UGT8: variants seen among roughly 807,000 people sequenced by gnomAD.
UGT8 encodes the protein 2-hydroxyacylsphingosine 1-beta-galactosyltransferase.
In UGT8, 12 loss-of-function variants were observed where a neutral mutation model predicts 40.5. The observed-to-expected ratio is 0.30, with a 90% CI of 0.19 to 0.48. The LOEUF (loss-of-function observed/expected upper bound fraction) is 0.48, where lower values mean the gene tolerates loss of function less well. Among genes scored for constraint, UGT8 ranks in the 20% least tolerant of loss-of-function variants. The pLI is 0.99. For missense variants in UGT8, 513 were observed against 648.7 expected, an observed-to-expected ratio of 0.79 and a Z score of 2.27; for synonymous variants, 224 against 240.4, an observed-to-expected ratio of 0.93 and a Z score of 0.63.
intron 5 of UGT8, among the ~76,000 whole-genome samples, chr4:114,672,688 A>C (rs1476602865): frequency 1.3e-5 from 2 of 151,980 alleles, no homozygotes; most frequent in Non-Finnish European, 2.9e-5. Context: ...GAGGGGAGGG[A>C]ACTTAGCGGA....
chr4:114,598,582 G>A (rs1303457639), upstream of UGT8: 3 of 152,248 alleles, frequency 2.0e-5, no homozygotes, highest in Admixed American at 2.0e-4. Context: ...GGCGCTCGCA[G>A]TCAGAGGCGA....
At chr4:114,648,998 T>C (rs1733741270) in intron 2 of UGT8, among the ~76,000 whole-genome samples, 3 of 152,152 alleles carry the variant, frequency 2.0e-5, no homozygotes, top group South Asian at 2.1e-4. Flanking sequence ...GATTACCTCC[T>C]AGCAGTTAAT....
At chr4:114,642,690 A>G (rs565482735) in intron 2 of UGT8, among the ~76,000 whole-genome samples, 2 of 152,248 alleles carry the variant, frequency 1.3e-5, no homozygotes, top group African/African-American at 4.8e-5. Context: ...TTTGTAAGCA[A>G]TAGGATTTGT....
intron 2 of UGT8, 123 bp from the exon 3 acceptor site, chr4:114,663,872 C>T (rs1432262332): frequency 4.3e-5 from 63 of 1,463,388 alleles, no homozygotes; most frequent in Non-Finnish European, 5.2e-5. Context: ...AATATCATAT[C>T]CTTTACTTTC....
chr4:114,601,094 T>C (rs1730416632), intron 1 of UGT8, among the ~76,000 whole-genome samples: 1 of 152,238 alleles, frequency 6.6e-6, no homozygotes, highest in Non-Finnish European at 1.5e-5. Context: ...AGGTTCAAAC[T>C]CTTTTTAAAT....
At chr4:114,651,397 A>T (rs748696848) in intron 2 of UGT8, among the ~76,000 whole-genome samples, 1 of 152,184 alleles carries the variant, frequency 6.6e-6, no homozygotes, top group South Asian at 2.1e-4. Context: ...TTTTTTCTTT[A>T]TACATGTTTC....
intron 2 of UGT8, among the ~76,000 whole-genome samples, chr4:114,630,995 C>G (rs1030193561): frequency 1.3e-5 from 2 of 152,104 alleles, no homozygotes; most frequent in African/African-American, 2.4e-5. Flanking sequence ...TCTAGCCCAG[C>G]ATTGTACTGA....
intron 4 of UGT8, among the ~76,000 whole-genome samples, chr4:114,667,220 A>G (rs919923522): frequency 2.0e-5 from 3 of 152,284 alleles, no homozygotes; most frequent in Admixed American, 2.0e-4. Flanking sequence ...GTTCCCATAC[A>G]TATTAATTTT....
At chr4:114,668,006 A>G (rs1734998392) in intron 4 of UGT8, 79 bp from the exon 5 acceptor site, 7 of 1,549,340 alleles carry the variant, frequency 4.5e-6, no homozygotes, top group Non-Finnish European at 6.1e-6. Context: ...TGTAGTGCCG[A>G]TTTTTAATGA....
chr4:114,603,480 G>T (rs1405155121), intron 1 of UGT8, among the ~76,000 whole-genome samples: 2 of 152,108 alleles, frequency 1.3e-5, no homozygotes, highest in Non-Finnish European at 2.9e-5. Context: ...TTAAGAGTTG[G>T]GTAGAGAAAT....
intron 2 of UGT8, among the ~76,000 whole-genome samples, chr4:114,640,741 A>G (rs1263002445): frequency 2.6e-5 from 4 of 152,136 alleles, no homozygotes; most frequent in Admixed American, 2.6e-4. Context: ...GCAAAGAGAG[A>G]GATTGTGCAG....
At chr4:114,625,399 T>A (rs2126100511) in intron 2 of UGT8, among the ~76,000 whole-genome samples, 1 of 149,952 alleles carries the variant, frequency 6.7e-6, no homozygotes, top group East Asian at 2.0e-4. Context: ...TAGTCCCAGC[T>A]ACTCAGGAGG....
At position 114,623,548 on chromosome 4, in the gene UGT8, A is replaced by G. The variant is rs765714306; in HGVS notation, c.668A>G (p.Asn223Ser). Residue 223 changes from asparagine (N) to serine (S), a missense_variant, in exon 2 of 6, where the codon AAC becomes AGC. Physicochemically the swap from Asn to Ser is conservative, Grantham distance 46 (BLOSUM62 1). Coordinates refer to ENST00000310836, the MANE Select transcript of UGT8 (RefSeq NM_001128174.3). The stretch of plus-strand genomic sequence containing the variant: ...TATGAAAGGATAATGCAGAAGTACA[A>G]CCTGCTGCCAGAGAAGTCCATGTAT... ...PKYERIMQKY[N>S]LLPEKSMYDL... 18 of 1,613,986 alleles carry G rather than the reference A, an allele frequency of 1.1e-5. No homozygotes were observed. The highest frequency in any genetic ancestry group is 1.1e-4 in the South Asian group (10 of 91,076).
chr4:114,611,922 C>G (rs945599759), intron 1 of UGT8, among the ~76,000 whole-genome samples: 1 of 151,972 alleles, frequency 6.6e-6, no homozygotes, highest in Non-Finnish European at 1.5e-5. Flanking sequence ...AAATCAGAAA[C>G]CATGAGGGCA....
At position 114,676,261 on chromosome 4, in the gene UGT8, T is replaced by C. The variant is rs147530207; in HGVS notation, c.1599T>C (p.His533=). The change falls in exon 6 of 6, where the codon CAT becomes CAC. Residue 533 remains histidine, a synonymous_variant. Transcript: ENST00000310836. The stretch of plus-strand genomic sequence containing the variant: ...ATGGCAAGTACAAAAGAAATGGCCA[T>C]ATTAAACATGAAAAGAAAGTGAAAT... ...ILNGKYKRNG[H]IKHEKKVK 10 of 1,593,822 alleles carry C rather than the reference T, an allele frequency of 6.3e-6. No individual in the cohort carries two copies. The highest frequency in any genetic ancestry group is 1.7e-4 in the Middle Eastern group (1 of 5,928).
intron 2 of UGT8, among the ~76,000 whole-genome samples, chr4:114,651,663 A>G (rs902297321): frequency 1.3e-5 from 2 of 152,134 alleles, no homozygotes; most frequent in Non-Finnish European, 2.9e-5. Flanking sequence ...GATTAGAAGT[A>G]GAGAATATTA....
chr4:114,650,870 A>T (rs555097967), intron 2 of UGT8, among the ~76,000 whole-genome samples: 1 of 152,130 alleles, frequency 6.6e-6, no homozygotes, highest in East Asian at 1.9e-4. Flanking sequence ...TTCTGCAGAT[A>T]TGCAAGTTTT....
intron 2 of UGT8, among the ~76,000 whole-genome samples, chr4:114,652,127 T>C (rs779658275): frequency 6.6e-6 from 1 of 152,088 alleles, no homozygotes; most frequent in Non-Finnish European, 1.5e-5. Flanking sequence ...TGAATTGATA[T>C]AGTAAGTGAC....
At chr4:114,675,875 A>G (rs766635926) in intron 5 of UGT8, 50 bp from the exon 6 acceptor site, 8 of 1,539,444 alleles carry the variant, frequency 5.2e-6, no homozygotes, top group Non-Finnish European at 7.0e-6. Flanking sequence ...GCATAAATAT[A>G]GAACTTTATT....
Sources: allele counts gnomAD v4.1 joint callset (sites outside exome capture counted in the v4.1 genomes callset), GRCh38; gene constraint gnomAD v4.1.1; transcripts MANE v1.5; gene names NCBI Gene and HGNC (gene_info 2026-07-23, HGNC 2026-07-21).